Variants in OPHN1 observed in about 807,000 individuals in gnomAD.
OPHN1 encodes the protein oligophrenin 1.
Under a neutral mutation model 60.7 loss-of-function variants are expected in OPHN1, and 11 were observed. The observed-to-expected ratio is 0.18, with a 90% confidence interval of 0.11 to 0.30. The LOEUF (loss-of-function observed/expected upper bound fraction) is 0.30. Ranked by LOEUF, OPHN1 falls within the 10% of genes least tolerant of loss-of-function variation. The probability of loss-of-function intolerance (pLI) is 1.00; values close to 1 mark genes in which losing one functional copy is unlikely to be tolerated. For synonymous variants in OPHN1, 226 were observed against 222.6 expected, an observed-to-expected ratio of 1.02 and a Z score of -0.14; for missense variants, 449 against 611.0, an observed-to-expected ratio of 0.73 and a Z score of 2.80.
chrX:68,158,347 A>T (rs1247547301), intron 15 of OPHN1, among the ~76,000 whole-genome samples: 2 of 112,193 alleles, frequency 1.8e-5, no homozygotes, highest in African/African-American at 3.2e-5. Flanking sequence ...GCAACTGTGT[A>T]TCAAACACAG....
intron 15 of OPHN1, among the ~76,000 whole-genome samples, chrX:68,163,125 A>T: frequency 9.0e-6 from 1 of 111,170 alleles, no homozygotes; most frequent in Middle Eastern, 4.6e-3. Flanking sequence ...AAGAATAAAA[A>T]TTAAGTTACA....
chrX:68,215,640 C>A (rs1199604923), intron 6 of OPHN1, among the ~76,000 whole-genome samples: 1 of 111,629 alleles, frequency 9.0e-6, no homozygotes, highest in Non-Finnish European at 1.9e-5. Context: ...AAACAACTTA[C>A]TATACAGCAG....
intron 3 of OPHN1, 80 bp from the exon 4 acceptor site, chrX:68,283,197 A>T: frequency 1.3e-6 from 1 of 789,925 alleles, no homozygotes; most frequent in African/African-American, 2.0e-5. Context: ...TGCAACAGGA[A>T]GTAGGGACCA....
chrX:68,076,480 C>T lies in OPHN1; in HGVS notation c.1687-3181G>A, dbSNP rs931357880. Among the ~76,000 whole-genome samples the T allele has an allele frequency of 4.5e-5, 5 of 110,554 alleles. No homozygotes were observed. The Admixed American group carries it at 4.8e-4, about 11-fold the overall frequency. ...AAAATTTCAATTCATAGTTTAAAAA[C>T]TTCCAAAGAAGAAATCTCTAGACCC... is the stretch of plus-strand genomic sequence containing the variant. On this transcript the variant is annotated intron_variant, in intron 19 of 24. Coordinates refer to ENST00000355520, the MANE Select transcript of OPHN1 (RefSeq NM_002547.3).
chrX:68,366,719 GCTAA>G (rs2078500706), intron 2 of OPHN1, among the ~76,000 whole-genome samples: 1 of 111,672 alleles, frequency 9.0e-6, no homozygotes. Context: ...CATGCCACAT[GCTAA>G]CTGACATTTT....
At chrX:68,410,596 C>G (rs1162750210) in intron 2 of OPHN1, among the ~76,000 whole-genome samples, 4 of 110,205 alleles carry the variant, frequency 3.6e-5, no homozygotes, top group Non-Finnish European at 7.6e-5. Flanking sequence ...CTTCTTCCAT[C>G]AAACCCTTTT....
chrX:68,205,985 T>TGTGTGC (rs2077557631), intron 10 of OPHN1, among the ~76,000 whole-genome samples: 2 of 107,396 alleles, frequency 1.9e-5, no homozygotes, highest in Non-Finnish European at 3.9e-5. Flanking sequence ...TGTGAGTGTG[T>TGTGTGC]GTGTGTGTGT....
intron 2 of OPHN1, among the ~76,000 whole-genome samples, chrX:68,424,523 GTA>G (rs2078845093): frequency 9.0e-6 from 1 of 111,652 alleles, no homozygotes; most frequent in African/African-American, 3.3e-5. Context: ...GGAAAAGTGT[GTA>G]ACTTTCCAGA....
intron 15 of OPHN1, among the ~76,000 whole-genome samples, chrX:68,158,463 T>C (rs1167844652): frequency 8.9e-6 from 1 of 112,659 alleles, no homozygotes; most frequent in East Asian, 2.8e-4. Flanking sequence ...AAGAGATACA[T>C]GTGCAATGGC....
In OPHN1 at chrX:68,232,521, T is replaced by C. The variant is rs1485009418; in HGVS notation, c.486+1966A>G. On this transcript the variant is annotated intron_variant, in intron 6 of 24. Coordinates refer to ENST00000355520, the MANE Select transcript of OPHN1 (RefSeq NM_002547.3). ...GAGAATGAGTAGCTTAGGGTTTTAC[T>C]GCGGGGCTAGTTACACAGGCACACT... 3.6e-5 allele frequency among the ~76,000 whole-genome samples: 4 copies of C among 111,710 alleles called. No individual in the cohort carries two copies. The East Asian group carries it at 1.1e-3, about 31-fold the overall frequency.
chrX:68,393,138 G>C (rs1184138343), intron 2 of OPHN1, among the ~76,000 whole-genome samples: 1 of 112,306 alleles, frequency 8.9e-6, no homozygotes, highest in African/African-American at 3.2e-5. Context: ...TTCCCGTAAG[G>C]GGTTTGAGCA....
intron 3 of OPHN1, among the ~76,000 whole-genome samples, chrX:68,291,839 G>T (rs1252215521): frequency 2.7e-5 from 3 of 110,836 alleles, no homozygotes; most frequent in Non-Finnish European, 5.7e-5. Flanking sequence ...TCTTTGAGAT[G>T]TTCCTCATTA....
At chrX:68,053,488 T>C (rs1209348515) in intron 22 of OPHN1, among the ~76,000 whole-genome samples, 157 bp downstream of exon 22, 3 of 111,764 alleles carry the variant, frequency 2.7e-5, no homozygotes, top group African/African-American at 6.5e-5. Context: ...TTGAGTGGAA[T>C]ACTCCCAACA....
intron 5 of OPHN1, among the ~76,000 whole-genome samples, chrX:68,245,708 C>A (rs1372948827): frequency 1.8e-5 from 2 of 112,673 alleles, no homozygotes; most frequent in African/African-American, 6.4e-5. Context: ...CACTTGAGTG[C>A]CAGATGAATT....
chrX:68,143,104 G>T (rs938656214), intron 15 of OPHN1, among the ~76,000 whole-genome samples: 10 of 111,539 alleles, frequency 9.0e-5, no homozygotes, highest in African/African-American at 2.9e-4. Context: ...GAACCCCCAA[G>T]GGCACTTCAG....
chrX:68,125,222 T>C (rs1212853257), intron 15 of OPHN1, among the ~76,000 whole-genome samples: 1 of 111,546 alleles, frequency 9.0e-6, no homozygotes, highest in Non-Finnish European at 1.9e-5. Context: ...GTTATAGCTA[T>C]AATGCCTACA....
intron 15 of OPHN1, among the ~76,000 whole-genome samples, chrX:68,191,869 G>A (rs1300774892): frequency 9.0e-6 from 1 of 111,139 alleles, no homozygotes. Context: ...TTTATATCTG[G>A]CCCAACAAAG....
At chrX:68,147,615 G>A (rs983470349) in intron 15 of OPHN1, among the ~76,000 whole-genome samples, 1 of 111,509 alleles carries the variant, frequency 9.0e-6, no homozygotes, top group Non-Finnish European at 1.9e-5. Flanking sequence ...GTTTATAAGA[G>A]TTATGAGAAT....
At chrX:68,340,421 AT>A (rs2078345602) in intron 2 of OPHN1, among the ~76,000 whole-genome samples, 1 of 112,214 alleles carries the variant, frequency 8.9e-6, no homozygotes, top group African/African-American at 3.2e-5. Context: ...TTTGTGGTCA[AT>A]TTATTTTCAA....
Sources: gnomAD v4.1 joint callset for allele counts (sites outside exome capture counted in the v4.1 genomes callset) on GRCh38, gnomAD v4.1.1 for gene constraint, MANE v1.5 for transcripts, NCBI Gene and HGNC (gene_info 2026-07-23, HGNC 2026-07-21) for gene names.